Variants in DAB1 observed in about 807,000 individuals in gnomAD.
The protein encoded by DAB1 is disabled homolog 1.
DAB1 carries 15 observed loss-of-function variants against 64.6 expected under a neutral mutation model. That is an observed-to-expected ratio of 0.23 (90% CI 0.16 to 0.36). The LOEUF is 0.36. Among genes scored for constraint, DAB1 ranks in the 10% least tolerant of loss-of-function variants. The pLI is 1.00. For synonymous variants in DAB1, 235 were observed against 251.9 expected, an observed-to-expected ratio of 0.93 and a Z score of 0.64; for missense variants, 596 against 706.7, an observed-to-expected ratio of 0.84 and a Z score of 1.78.
intron 7 of DAB1, among the ~76,000 whole-genome samples, chr1:57,599,073 C>T (rs2101582435): frequency 6.7e-6 from 1 of 149,624 alleles, no homozygotes; most frequent in Non-Finnish European, 1.5e-5. Flanking sequence ...TAAATTCTAC[C>T]AGCCACCAAG....
In DAB1 at chr1:57,917,825, G is replaced by T. The variant is rs541431758; in HGVS notation, n.388-33663C>A. 5.9e-5 allele frequency among the ~76,000 whole-genome samples: 9 copies of T among 152,168 alleles called. No individual in the cohort carries two copies. In the South Asian group the frequency reaches 1.5e-3, roughly 25 times the overall value. ...CAGCACTCCCCATGCTCACATTGAT[G>T]CTACTTCATTTTTGAGACACCAGTA... On this transcript the variant is annotated intron_variant and non_coding_transcript_variant, in intron 5 of 20. Coordinates refer to the DAB1 transcript ENST00000485760.
At chr1:57,027,290 G>C (rs904716195) in intron 9 of DAB1, among the ~76,000 whole-genome samples, 2 of 152,148 alleles carry the variant, frequency 1.3e-5, no homozygotes, top group African/African-American at 4.8e-5. Flanking sequence ...GAAGAACAAG[G>C]AATAATTGTT....
chr1:57,640,582 T>C (rs1646116530), intron 7 of DAB1, among the ~76,000 whole-genome samples: 2 of 152,156 alleles, frequency 1.3e-5, no homozygotes, highest in African/African-American at 4.8e-5. Context: ...AAAAAGCTTA[T>C]TGCACTCCCC....
chr1:57,636,219 T>A (rs1418654342), intron 7 of DAB1, among the ~76,000 whole-genome samples: 1 of 151,770 alleles, frequency 6.6e-6, no homozygotes, highest in African/African-American at 2.4e-5. Context: ...GAAGCTACAG[T>A]GAGAAGGCGG....
chr1:58,458,983 A>ATATG (rs556310921), intron 3 of DAB1, among the ~76,000 whole-genome samples: 186 of 152,316 alleles, frequency 1.2e-3, no homozygotes, highest in Non-Finnish European at 1.8e-3. Flanking sequence ...GTGAGATAAT[A>ATATG]TATGTGTGCA....
intron 1 of DAB1, among the ~76,000 whole-genome samples, chr1:57,314,458 G>T (rs1265478798): frequency 1.3e-5 from 2 of 152,128 alleles, no homozygotes; most frequent in Non-Finnish European, 2.9e-5. Context: ...GGATTGGCAG[G>T]TCCTTCACAC....
intron 2 of DAB1, among the ~76,000 whole-genome samples, chr1:57,181,971 T>C (rs997833082): frequency 2.6e-5 from 4 of 152,172 alleles, no homozygotes; most frequent in Non-Finnish European, 5.9e-5. Flanking sequence ...CTGCAACCTC[T>C]GCCTCCTGGG....
Position 58,211,380 on chromosome 1 carries a change from T to C in DAB1, n.310-60792A>G, listed in dbSNP as rs192451955. On this transcript the variant is annotated intron_variant and non_coding_transcript_variant, in intron 4 of 20. Transcript: ENST00000485760. ...TCCAGAAATTTTCTCTGAAGTGATA[T>C]TGATTTTTCACATTTAGAAATTCAT... Among the ~76,000 whole-genome samples the C allele has an allele frequency of 6.6e-5, 10 of 152,314 alleles. No homozygotes were observed. In the East Asian group the frequency reaches 1.5e-3, roughly 24 times the overall value.
intron 5 of DAB1, among the ~76,000 whole-genome samples, chr1:57,072,078 A>AG (rs1651527169): frequency 6.6e-6 from 1 of 151,724 alleles, no homozygotes; most frequent in South Asian, 2.1e-4. Flanking sequence ...AAAAAAAAAA[A>AG]AAACAGAAAA....
rs376132403 is a variant in DAB1 at position 57,208,038 on chromosome 1, G to A, written c.68-62609C>T. ...TAAAGCAGGCCCTGAAATAAGGATT[G>A]TAATGCAAGTAATTTATTTGGGAGT... On this transcript the variant is annotated intron_variant, in intron 2 of 14. Transcript: ENST00000371236. Among the ~76,000 whole-genome samples the A allele has an allele frequency of 1.2e-4, 18 of 152,250 alleles. No individual in the cohort carries two copies. The East Asian group carries it at 2.5e-3, about 21-fold the overall frequency.
chr1:58,384,238 C>A (rs1409817179), intron 3 of DAB1, among the ~76,000 whole-genome samples: 1 of 151,820 alleles, frequency 6.6e-6, no homozygotes. Flanking sequence ...TTTGCTACAA[C>A]ACGGATGGAC....
At chr1:57,730,064 G>A (rs1041663833) in intron 6 of DAB1, among the ~76,000 whole-genome samples, 1 of 152,224 alleles carries the variant, frequency 6.6e-6, no homozygotes, top group African/African-American at 2.4e-5. Flanking sequence ...ACTATGCTCT[G>A]TTATTGGGTT....
At chr1:58,392,620 C>T (rs190797693) in intron 3 of DAB1, among the ~76,000 whole-genome samples, 1 of 152,358 alleles carries the variant, frequency 6.6e-6, no homozygotes, top group East Asian at 1.9e-4. Context: ...GACTGCTACC[C>T]TCTAAAGAAA....
At chr1:58,144,718 G>T (rs1654493387) in intron 5 of DAB1, among the ~76,000 whole-genome samples, 1 of 152,184 alleles carries the variant, frequency 6.6e-6, no homozygotes, top group Non-Finnish European at 1.5e-5. Context: ...GCTCAGCCAG[G>T]TTTGGTGATA....
At chr1:58,224,344 A>C (rs183369938) in intron 4 of DAB1, among the ~76,000 whole-genome samples, 9 of 152,326 alleles carry the variant, frequency 5.9e-5, no homozygotes, top group African/African-American at 2.2e-4. Flanking sequence ...CAGTAGCCTC[A>C]ATGAGTAAAG....
At chr1:58,424,537 C>A (rs904585056) in intron 3 of DAB1, among the ~76,000 whole-genome samples, 1 of 152,210 alleles carries the variant, frequency 6.6e-6, no homozygotes, top group African/African-American at 2.4e-5. Flanking sequence ...GGTCCAAACA[C>A]ACTCCTTACC....
At chr1:57,428,931 G>A (rs1240465377), upstream of DAB1, among the ~76,000 whole-genome samples, 13 of 90,320 alleles carry the variant, frequency 1.4e-4, no homozygotes, top group African/African-American at 5.1e-4. Context: ...TTTTTTTTTT[G>A]AGACAGGGTC....
At chr1:57,868,688 G>A (rs887717412) in intron 1 of DAB1, among the ~76,000 whole-genome samples, 5 of 152,102 alleles carry the variant, frequency 3.3e-5, no homozygotes, top group Non-Finnish European at 5.9e-5. Flanking sequence ...TGTGGACTCT[G>A]TATTGTTCTC....
chr1:57,691,048 C>T (rs115162111), intron 6 of DAB1, among the ~76,000 whole-genome samples: 1,631 of 152,052 alleles, frequency 0.011, 17 homozygotes, highest in African/African-American at 0.033. Context: ...GTAATTAATC[C>T]TTTGTCAGAT....
Sources: allele counts gnomAD v4.1 joint callset (sites outside exome capture counted in the v4.1 genomes callset), GRCh38; gene constraint gnomAD v4.1.1; transcripts MANE v1.5; gene names NCBI Gene and HGNC (gene_info 2026-07-23, HGNC 2026-07-21).